Variants in AKAP6 observed in about 807,000 individuals in gnomAD.
AKAP6 encodes the protein A-kinase anchoring protein 6, also known as A-kinase anchor protein 6.
Under a neutral mutation model 188.5 loss-of-function variants are expected in AKAP6, and 58 were observed. The ratio of observed to expected loss-of-function variants is 0.31; its 90% CI spans 0.25 to 0.38. AKAP6 has a LOEUF of 0.38. Among genes scored for constraint, AKAP6 ranks in the 10% least tolerant of loss-of-function variants. The pLI is 1.00. For synonymous variants in AKAP6, 989 were observed against 998.6 expected (o/e 0.99, Z 0.18); for missense variants, 2,710 against 2,740.0 (o/e 0.99, Z 0.24).
chr14:32,728,138 G>C (rs567103901), intron 9 of AKAP6, among the ~76,000 whole-genome samples: 2 of 149,248 alleles, frequency 1.3e-5, no homozygotes, highest in East Asian at 3.9e-4. Context: ...ATGAAGCCTC[G>C]AATGAGGAGG....
chr14:32,628,374 G>T (rs1310998685), intron 7 of AKAP6, among the ~76,000 whole-genome samples: 1 of 151,694 alleles, frequency 6.6e-6, no homozygotes, highest in African/African-American at 2.4e-5. Flanking sequence ...AAGAAGTAAT[G>T]AACATAAAAT....
At chr14:32,339,092 T>C (rs575863445) in intron 1 of AKAP6, among the ~76,000 whole-genome samples, 1 of 152,310 alleles carries the variant, frequency 6.6e-6, no homozygotes, top group Admixed American at 6.5e-5. Flanking sequence ...TTTTACTTGT[T>C]TGTTTGTTTC....
At chr14:32,729,573 A>G (rs908992331) in intron 9 of AKAP6, among the ~76,000 whole-genome samples, 1 of 152,106 alleles carries the variant, frequency 6.6e-6, no homozygotes, top group Admixed American at 6.6e-5. Flanking sequence ...TGGCATTTAG[A>G]ATAGTACTGT....
At chr14:32,689,945 G>A (rs1215570048) in intron 8 of AKAP6, among the ~76,000 whole-genome samples, 1 of 151,956 alleles carries the variant, frequency 6.6e-6, no homozygotes, top group Non-Finnish European at 1.5e-5. Context: ...AAGAAGCTAG[G>A]AAAATTGGAT....
intron 11 of AKAP6, among the ~76,000 whole-genome samples, chr14:32,750,276 C>CT (rs536461114): frequency 2.0e-5 from 3 of 151,710 alleles, no homozygotes; most frequent in African/African-American, 7.3e-5. Flanking sequence ...TAAAAATGAG[C>CT]TTTTTTTTCC....
intron 10 of AKAP6, chr14:32,734,381 G>C (rs1018457834): frequency 6.6e-6 from 1 of 152,112 alleles, no homozygotes; most frequent in Non-Finnish European, 1.5e-5. Flanking sequence ...CTGTGAAATT[G>C]TGTCCCCTGT....
intron 12 of AKAP6, among the ~76,000 whole-genome samples, chr14:32,806,429 C>T (rs1054802576): frequency 2.6e-5 from 4 of 152,126 alleles, no homozygotes; most frequent in Admixed American, 6.5e-5. Flanking sequence ...CTAATTCCAA[C>T]ACTTTGGGAG....
intron 2 of AKAP6, among the ~76,000 whole-genome samples, chr14:32,530,894 C>CA (rs201618893): frequency 0.01 from 1,576 of 151,798 alleles, 20 homozygotes; most frequent in African/African-American, 0.036. Context: ...AAACAAAAAA[C>CA]AAAAAACAAA....
At chr14:32,796,636 C>T (rs1566718042) in intron 12 of AKAP6, among the ~76,000 whole-genome samples, 2 of 152,104 alleles carry the variant, frequency 1.3e-5, no homozygotes, top group African/African-American at 4.8e-5. Flanking sequence ...TTAACTCAAC[C>T]GATGGATTAA....
intron 5 of AKAP6, among the ~76,000 whole-genome samples, chr14:32,594,465 T>C (rs879702409): frequency 5.3e-5 from 8 of 152,220 alleles, no homozygotes; most frequent in Non-Finnish European, 8.8e-5. Context: ...CAGGAGGTTC[T>C]TAAATGCTTA....
chr14:32,559,897 G>A (rs1460813570), intron 4 of AKAP6, among the ~76,000 whole-genome samples: 4 of 151,120 alleles, frequency 2.6e-5, no homozygotes, highest in East Asian at 3.9e-4. Context: ...GCCTAGACAT[G>A]TGGTAAAAGG....
At chr14:32,673,024 T>G (rs1354375033) in intron 7 of AKAP6, among the ~76,000 whole-genome samples, 1 of 152,194 alleles carries the variant, frequency 6.6e-6, no homozygotes, top group Non-Finnish European at 1.5e-5. Context: ...TCTATCCACT[T>G]TAGCCTCTAT....
intron 1 of AKAP6, among the ~76,000 whole-genome samples, chr14:32,377,013 T>C (rs1475830751): frequency 2.0e-5 from 3 of 152,186 alleles, no homozygotes; most frequent in African/African-American, 4.8e-5. Flanking sequence ...TTGTTTTCAT[T>C]TGAACTGTTT....
chr14:32,800,061 C>CTCTCTATATATATA (rs377693074), intron 12 of AKAP6, among the ~76,000 whole-genome samples: 16 of 136,936 alleles, frequency 1.2e-4, no homozygotes, highest in African/African-American at 2.1e-4. Context: ...CTCTCTCTCT[C>CTCTCTATATATATA]TATATATATA....
intron 11 of AKAP6, among the ~76,000 whole-genome samples, chr14:32,746,651 G>A (rs1017356238): frequency 3.9e-5 from 6 of 152,224 alleles, no homozygotes; most frequent in Admixed American, 1.3e-4. Context: ...TGCCCCATCC[G>A]CTATTATGGA....
At chr14:32,734,547 G>T (rs1159425758) in intron 10 of AKAP6, 1 of 152,106 alleles carries the variant, frequency 6.6e-6, no homozygotes, top group Non-Finnish European at 1.5e-5. Flanking sequence ...TTCTGTTTAT[G>T]AAGAATTTAT....
In AKAP6 at chr14:32,773,660, T is replaced by C. The variant is rs1292404522; in HGVS notation, c.3373-18T>C. On this transcript the variant is annotated intron_variant, in intron 11 of 13. Coordinates refer to ENST00000280979, the MANE Select transcript of AKAP6 (RefSeq NM_004274.5). ...TGCCCTATAAACACTCATAGATTGG[T>C]TTCTCTCTATGTTGCAGTCCCTCTG... 1.9e-6 allele frequency: 3 copies of C among 1,607,890 alleles called. No individual in the cohort carries two copies. The highest frequency in any genetic ancestry group is 2.7e-5 in the African/African-American group (2 of 74,628).
At chr14:32,499,749 T>C (rs1230506113) in intron 2 of AKAP6, among the ~76,000 whole-genome samples, 1 of 151,756 alleles carries the variant, frequency 6.6e-6, no homozygotes, top group Non-Finnish European at 1.5e-5. Flanking sequence ...ATATTATTAA[T>C]ATATATTTTA....
intron 7 of AKAP6, among the ~76,000 whole-genome samples, chr14:32,669,759 C>T (rs1312378921): frequency 6.6e-6 from 1 of 152,102 alleles, no homozygotes; most frequent in Non-Finnish European, 1.5e-5. Flanking sequence ...AAAGTAAACA[C>T]ATCCTTCTTC....
Sources: allele counts gnomAD v4.1 joint callset (sites outside exome capture counted in the v4.1 genomes callset), GRCh38; gene constraint gnomAD v4.1.1; transcripts MANE v1.5; gene names NCBI Gene and HGNC (gene_info 2026-07-23, HGNC 2026-07-21).